Variants in ERICH1 observed in about 807,000 individuals in gnomAD.
The protein encoded by ERICH1 is glutamate rich 1.
A neutral mutation model predicts 39.6 loss-of-function variants in ERICH1; 56 were observed. The observed-to-expected ratio is 1.41, with a 90% CI of 1.14 to 1.77. The LOEUF is 1.77. Among genes scored for constraint, ERICH1 ranks in the 40% most tolerant of loss-of-function variants. ERICH1 has a pLI of 0.00. For missense variants in ERICH1, 826 were observed against 575.4 expected, an observed-to-expected ratio of 1.44 and a Z score of -4.45; for synonymous variants, 313 against 223.6, an observed-to-expected ratio of 1.40 and a Z score of -3.57.
At chr8:699,874 G>GCGCACAGACCCGCACAC (rs1811415578) in intron 2 of ERICH1, among the ~76,000 whole-genome samples, 3 of 30,564 alleles carry the variant, frequency 9.8e-5, no homozygotes, top group East Asian at 2.1e-3. Flanking sequence ...GACCCTCACA[G>GCGCACAGACCCGCACAC]GCGCACAGAT....
intron 3 of ERICH1, among the ~76,000 whole-genome samples, chr8:637,302 G>C (rs1798515901): frequency 6.6e-6 from 1 of 152,224 alleles, no homozygotes; most frequent in South Asian, 2.1e-4. Flanking sequence ...GCCACCCTGG[G>C]ACCTCAGTGG....
At chr8:638,360 G>A (rs905266139) in intron 3 of ERICH1, among the ~76,000 whole-genome samples, 2 of 152,328 alleles carry the variant, frequency 1.3e-5, no homozygotes, top group Middle Eastern at 3.4e-3. Context: ...CAGCCAGCAC[G>A]GGCCATGTTC....
intron 4 of ERICH1, 98 bp from the exon 5 acceptor site, chr8:668,890 C>T (rs1165351478): frequency 3.7e-6 from 4 of 1,075,110 alleles, no homozygotes; most frequent in Admixed American, 2.8e-5. Flanking sequence ...CAAACCTACG[C>T]TTCCACACAG....
intron 3 of ERICH1, among the ~76,000 whole-genome samples, chr8:651,968 C>G (rs1302582611): frequency 6.6e-6 from 1 of 152,112 alleles, no homozygotes; most frequent in Non-Finnish European, 1.5e-5. Context: ...ATTAGAAGAT[C>G]AACTATTTTG....
chr8:664,593 A>C lies in ERICH1; in HGVS notation c.*10T>G, dbSNP rs760003353. The C allele has an allele frequency of 1.2e-6, 2 of 1,604,520 alleles. No homozygotes were observed. The highest frequency in any genetic ancestry group is 1.7e-6 in the Non-Finnish European group (2 of 1,176,616). ...TTAAAGAGGAGCTGTTCTTAAAGAG[A>C]TATTCCATTTTAGTCACTGCTCTTC... On this transcript the variant is annotated 3_prime_UTR_variant, in exon 6 of 6. Transcript: ENST00000262109.
intron 3 of ERICH1, chr8:616,429 A>G: frequency 4.7e-6 from 2 of 427,342 alleles, no homozygotes; most frequent in Non-Finnish European, 9.4e-6. Context: ...AACCCCGCAC[A>G]CCCCATGCTC....
intron 3 of ERICH1, among the ~76,000 whole-genome samples, chr8:687,198 G>A (rs1346201744): frequency 6.6e-6 from 1 of 152,214 alleles, no homozygotes; most frequent in South Asian, 2.1e-4. Context: ...GCTCTCCACA[G>A]AAATGACTTA....
chr8:637,345 T>G (rs1798519569), intron 3 of ERICH1, among the ~76,000 whole-genome samples: 1 of 152,208 alleles, frequency 6.6e-6, no homozygotes, highest in Non-Finnish European at 1.5e-5. Flanking sequence ...CTGTGCCTGA[T>G]TCTGCGGCTC....
chr8:616,644 G>C, intron 3 of ERICH1: 1 of 454,572 alleles, frequency 2.2e-6, no homozygotes, highest in Non-Finnish European at 4.4e-6. Flanking sequence ...CAGAGAAGGA[G>C]AGACAGACGG....
At chr8:722,562 A>C (rs1279429655) in intron 1 of ERICH1, among the ~76,000 whole-genome samples, 1 of 152,258 alleles carries the variant, frequency 6.6e-6, no homozygotes, top group Non-Finnish European at 1.5e-5. Flanking sequence ...ACAAAGTTTG[A>C]CCACTGGAAG....
chr8:643,687 T>C (rs958292711), intron 3 of ERICH1, among the ~76,000 whole-genome samples: 6 of 152,196 alleles, frequency 3.9e-5, no homozygotes, highest in African/African-American at 1.4e-4. Context: ...GCATCTGGAA[T>C]GTCACTGAGC....
intron 3 of ERICH1, among the ~76,000 whole-genome samples, chr8:685,404 A>ACGAACAATTTGTGCAGT (rs1407927710): frequency 1.3e-5 from 2 of 152,308 alleles, no homozygotes; most frequent in African/African-American, 4.8e-5. Flanking sequence ...CACATGCTTT[A>ACGAACAATTTGTGCAGT]CGAACAATTT....
chr8:688,351 G>GGGCCA (rs1808106427), intron 3 of ERICH1, among the ~76,000 whole-genome samples: 2 of 58,058 alleles, frequency 3.4e-5, no homozygotes, highest in African/African-American at 1.4e-4. Context: ...TCTACGCTTA[G>GGGCCA]CCCCACCTCG....
intron 2 of ERICH1, among the ~76,000 whole-genome samples, chr8:706,040 A>C (rs73521164): frequency 2.6e-5 from 4 of 152,204 alleles, no homozygotes; most frequent in Admixed American, 2.6e-4. Flanking sequence ...ATGGTGTTAC[A>C]GTTGCCACTG....
At chr8:641,219 G>A (rs1316605554) in intron 3 of ERICH1, 1 of 152,192 alleles carries the variant, frequency 6.6e-6, no homozygotes, top group Non-Finnish European at 1.5e-5. Context: ...CTGACCACGA[G>A]TTGGTTTTAC....
chr8:682,816 G>A (rs1461742192), intron 3 of ERICH1, among the ~76,000 whole-genome samples: 1 of 152,208 alleles, frequency 6.6e-6, no homozygotes, highest in Non-Finnish European at 1.5e-5. Flanking sequence ...TTACGTGAAA[G>A]TAGGCTAGGC....
At chr8:631,299 G>GA in intron 3 of ERICH1, among the ~76,000 whole-genome samples, 1 of 152,370 alleles carries the variant, frequency 6.6e-6, no homozygotes, top group African/African-American at 2.4e-5. Flanking sequence ...CTGTGAGTGT[G>GA]AAAGTGTCAG....
At chr8:656,778 C>T (rs1800716402) in intron 3 of ERICH1, 1 of 985,466 alleles carries the variant, frequency 1.0e-6, no homozygotes. Context: ...AAACGGTGCA[C>T]AGCAGTGGTT....
Position 723,031 on chromosome 8 carries a change from G to A in ERICH1, c.23-7024C>T, listed in dbSNP as rs1443188417. Among the ~76,000 whole-genome samples the A allele has an allele frequency of 4.6e-5, 7 of 152,234 alleles. No individual in the cohort carries two copies. In the East Asian group the frequency reaches 7.7e-4, roughly 17 times the overall value. ...AGTGTTGAAGGTGGGCCTACTGGGA[G>A]GTGTCTGGGCCATGGGGCAGATCCC... is the stretch of plus-strand genomic sequence containing the variant. On this transcript the variant is annotated intron_variant, in intron 1 of 5. Transcript: ENST00000262109.
Sources: gnomAD v4.1 joint callset for allele counts (sites outside exome capture counted in the v4.1 genomes callset) on GRCh38, gnomAD v4.1.1 for gene constraint, MANE v1.5 for transcripts, NCBI Gene and HGNC (gene_info 2026-07-23, HGNC 2026-07-21) for gene names.